ZDHHC20: variants seen among roughly 807,000 people sequenced by gnomAD.
ZDHHC20 encodes zDHHC palmitoyltransferase 20, also known as palmitoyltransferase ZDHHC20.
Under a neutral mutation model 57.8 loss-of-function variants are expected in ZDHHC20, and 43 were observed. The ratio of observed to expected loss-of-function variants is 0.74; its 90% CI spans 0.58 to 0.96. The LOEUF is 0.96. Ranked by LOEUF, ZDHHC20 falls within the 40% of genes least tolerant of loss-of-function variation. The probability of loss-of-function intolerance (pLI) is 0.00; values close to 1 mark genes in which losing one functional copy is unlikely to be tolerated. For missense variants in ZDHHC20, 391 were observed against 441.1 expected (o/e 0.89, Z 1.02); for synonymous variants, 157 against 153.0 (o/e 1.03, Z -0.19).
intron 1 of ZDHHC20, among the ~76,000 whole-genome samples, chr13:21,436,365 T>A (rs773546721): frequency 9.2e-5 from 14 of 152,258 alleles, no homozygotes; most frequent in Non-Finnish European, 1.9e-4. Context: ...TTATGTTTTT[T>A]ACAAATCGAA....
At chr13:21,430,792 C>T (rs1011335748) in intron 1 of ZDHHC20, among the ~76,000 whole-genome samples, 1 of 152,258 alleles carries the variant, frequency 6.6e-6, no homozygotes, top group Admixed American at 6.5e-5. Flanking sequence ...CTAGGGAACA[C>T]ACCACCATGT....
chr13:21,441,534 C>T (rs181796151), intron 1 of ZDHHC20, among the ~76,000 whole-genome samples: 58 of 148,900 alleles, frequency 3.9e-4, no homozygotes, highest in African/African-American at 1.3e-3. Flanking sequence ...TACAGGCGCC[C>T]GCCACCACGC....
intron 1 of ZDHHC20, among the ~76,000 whole-genome samples, chr13:21,426,038 G>C (rs559539200): frequency 1.3e-5 from 2 of 152,162 alleles, no homozygotes; most frequent in Non-Finnish European, 2.9e-5. Context: ...GTTAGTCTGT[G>C]ATGTACTCTT....
chr13:21,457,119 T>C (rs1165921749), intron 1 of ZDHHC20, among the ~76,000 whole-genome samples: 1 of 152,224 alleles, frequency 6.6e-6, no homozygotes, highest in Non-Finnish European at 1.5e-5. Context: ...TCAATTCATG[T>C]TCATTTCTCC....
At chr13:21,383,103 T>G in intron 9 of ZDHHC20, 94 bp from the exon 10 acceptor site, 1 of 1,123,902 alleles carries the variant, frequency 8.9e-7, no homozygotes, top group Non-Finnish European at 1.3e-6. Flanking sequence ...TGGCATACAT[T>G]ATCATAACTT....
At chr13:21,387,064 T>C (rs1874664722) in intron 9 of ZDHHC20, among the ~76,000 whole-genome samples, 1 of 152,208 alleles carries the variant, frequency 6.6e-6, no homozygotes, top group Non-Finnish European at 1.5e-5. Flanking sequence ...AAATGGAAAC[T>C]ATCAATCATC....
At chr13:21,431,356 A>G (rs1342361756) in intron 1 of ZDHHC20, among the ~76,000 whole-genome samples, 2 of 152,182 alleles carry the variant, frequency 1.3e-5, no homozygotes, top group Non-Finnish European at 2.9e-5. Flanking sequence ...AGTATGGGGG[A>G]AACCACCCCC....
intron 4 of ZDHHC20, among the ~76,000 whole-genome samples, chr13:21,409,860 T>C (rs1286979695): frequency 1.3e-5 from 2 of 152,194 alleles, no homozygotes; most frequent in Admixed American, 1.3e-4. Context: ...GAGTTTATTA[T>C]CCACCTTCTG....
chr13:21,392,616 A>G (rs546161251), intron 7 of ZDHHC20, among the ~76,000 whole-genome samples: 34 of 152,360 alleles, frequency 2.2e-4, no homozygotes, highest in African/African-American at 7.9e-4. Flanking sequence ...TTTTAACAGA[A>G]GCAAACTAGA....
At chr13:21,402,324 A>C (rs12100186) in intron 5 of ZDHHC20, among the ~76,000 whole-genome samples, 1,823 of 152,242 alleles carry the variant, frequency 0.012, 14 homozygotes, top group Non-Finnish European at 0.019. Flanking sequence ...AATAAAAAAA[A>C]CCCACCAAAC....
chr13:21,393,890 T>C (rs1876295021), intron 7 of ZDHHC20, among the ~76,000 whole-genome samples: 1 of 152,076 alleles, frequency 6.6e-6, no homozygotes, highest in Non-Finnish European at 1.5e-5. Flanking sequence ...TAAAATAAAA[T>C]GTTTTTAGCC....
Position 21,383,141 on chromosome 13 carries a change from T to C in ZDHHC20, c.855-132A>G. 4 of 825,192 alleles carry C rather than the reference T, an allele frequency of 4.8e-6. 1 individual carries two copies. The South Asian group carries it at 6.5e-5, about 13-fold the overall frequency. The allele number at this position is 825,192 out of a possible 1,614,324, so 51.1% of individuals were successfully genotyped here. On this transcript the variant is annotated intron_variant, in intron 9 of 12. Transcript: ENST00000400590. ...CATATAAGGAAGTAACTCCTAAAATTTCTAATTTAGGGGTTATTACCTTGA... is the reference window on the plus strand; with the variant it reads ...CATATAAGGAAGTAACTCCTAAAATCTCTAATTTAGGGGTTATTACCTTGA...
chr13:21,391,668 T>C (rs960082775), intron 8 of ZDHHC20, 54 bp downstream of exon 8: 8 of 1,534,162 alleles, frequency 5.2e-6, no homozygotes, highest in Non-Finnish European at 7.1e-6. Flanking sequence ...CTAGATTTCA[T>C]ATTTATTTAT....
chr13:21,392,503 AC>A (rs1875920518), intron 7 of ZDHHC20, among the ~76,000 whole-genome samples: 1 of 152,198 alleles, frequency 6.6e-6, no homozygotes, highest in Non-Finnish European at 1.5e-5. Context: ...CTGTATGTCT[AC>A]AGAGCCTTTG....
chr13:21,435,943 C>A (rs80273352), intron 1 of ZDHHC20, among the ~76,000 whole-genome samples: 21,965 of 152,192 alleles, frequency 0.14, 2,142 homozygotes, highest in Non-Finnish European at 0.23. Context: ...AATCTCACTG[C>A]AATATAGTCC....
chr13:21,394,131 G>A (rs908822095), intron 7 of ZDHHC20, among the ~76,000 whole-genome samples: 2 of 152,148 alleles, frequency 1.3e-5, no homozygotes, highest in African/African-American at 4.8e-5. Context: ...AAAAGCCACA[G>A]TCATTTCAAT....
At chr13:21,416,658 T>C (rs1454530571) in intron 3 of ZDHHC20, among the ~76,000 whole-genome samples, 2 of 152,182 alleles carry the variant, frequency 1.3e-5, no homozygotes, top group African/African-American at 4.8e-5. Context: ...CAGTGGGAGA[T>C]ATCAATGAAA....
chr13:21,374,455 G>C lies in ZDHHC20; in HGVS notation c.*2241C>G. The C allele has an allele frequency of 2.2e-6, 1 of 454,876 alleles. No individual in the cohort carries two copies. Among genetic ancestry groups the C allele is most frequent in the Non-Finnish European group, 4.4e-6 (1 of 226,256 alleles). 28.2% of individuals were successfully genotyped at this position (454,876 alleles called of 1,614,324 possible). ...TTGCCATTTTGACCAGGCTAATCTC[G>C]AACCCCTGACCTCAGGTGATCCGCC... On this transcript the variant is annotated 3_prime_UTR_variant, in exon 13 of 13. Coordinates refer to ENST00000400590, the MANE Select transcript of ZDHHC20 (RefSeq NM_001330059.2).
rs1566052113 is a variant in ZDHHC20 at position 21,373,985 on chromosome 13, GA to G, written c.*2710del. On this transcript the variant is annotated 3_prime_UTR_variant, in exon 13 of 13. Coordinates refer to ENST00000400590, the MANE Select transcript of ZDHHC20 (RefSeq NM_001330059.2). ...AAAAGATGTTTGCTGTGCTATTAAA[GA>G]TGTTAAATAACAAAAATTAAAAGAA... The G allele has an allele frequency of 1.3e-5, 2 of 152,358 alleles. No individual in the cohort carries two copies. The highest frequency in any genetic ancestry group is 2.9e-5 in the Non-Finnish European group (2 of 68,140). 9.4% of individuals were successfully genotyped at this position (152,358 alleles called of 1,614,324 possible). A position where few individuals can be genotyped will look rare whatever the true frequency, so the allele number is the denominator to read the frequency against.
Sources: allele counts gnomAD v4.1 joint callset (sites outside exome capture counted in the v4.1 genomes callset), GRCh38; gene constraint gnomAD v4.1.1; transcripts MANE v1.5; gene names NCBI Gene and HGNC (gene_info 2026-07-23, HGNC 2026-07-21).